The following CAMK1D variants were observed in gnomAD, a reference collection of about 807,000 sequenced individuals.
The protein encoded by CAMK1D is calcium/calmodulin dependent protein kinase ID.
Under a neutral mutation model 47.7 loss-of-function variants are expected in CAMK1D, and 9 were observed. That is an observed-to-expected ratio of 0.19 (90% CI 0.11 to 0.33). CAMK1D has a LOEUF of 0.33. CAMK1D is among the 10% of genes least tolerant of loss of function. The probability of loss-of-function intolerance (pLI) is 1.00; values close to 1 mark genes in which losing one functional copy is unlikely to be tolerated. For synonymous variants in CAMK1D, 184 were observed against 184.9 expected, an observed-to-expected ratio of 0.99 and a Z score of 0.04; for missense variants, 291 against 488.7, an observed-to-expected ratio of 0.60 and a Z score of 3.81.
intron 5 of CAMK1D, among the ~76,000 whole-genome samples, chr10:12,790,556 A>T (rs907751457): frequency 3.3e-5 from 5 of 151,592 alleles, no homozygotes; most frequent in African/African-American, 1.2e-4. Flanking sequence ...GCCATGTATT[A>T]TGTGTTTGTT....
chr10:12,482,880 A>C (rs961066652), intron 1 of CAMK1D, among the ~76,000 whole-genome samples: 4 of 152,242 alleles, frequency 2.6e-5, no homozygotes, highest in Admixed American at 2.0e-4. Flanking sequence ...AGAGACCTCC[A>C]TAAATAACAT....
intron 5 of CAMK1D, among the ~76,000 whole-genome samples, chr10:12,777,999 C>T (rs902711696): frequency 5.9e-5 from 9 of 152,202 alleles, no homozygotes; most frequent in Admixed American, 3.3e-4. Flanking sequence ...AGGGGCAGGA[C>T]GCTGCTGTCT....
chr10:12,785,593 G>A (rs1207768304), intron 5 of CAMK1D, among the ~76,000 whole-genome samples: 2 of 152,172 alleles, frequency 1.3e-5, no homozygotes, highest in African/African-American at 4.8e-5. Flanking sequence ...CCGAGGCCCC[G>A]GAGGGACTGT....
intron 1 of CAMK1D, among the ~76,000 whole-genome samples, chr10:12,471,507 A>G (rs1833745858): frequency 6.6e-6 from 1 of 152,186 alleles, no homozygotes; most frequent in Non-Finnish European, 1.5e-5. Context: ...TCAGCAGCCT[A>G]AAACCTGAGG....
chr10:12,792,479 G>A (rs2131002723), intron 6 of CAMK1D, among the ~76,000 whole-genome samples: 1 of 152,308 alleles, frequency 6.6e-6, no homozygotes, highest in South Asian at 2.1e-4. Context: ...TTTCCTTGCA[G>A]AAAGAGCCCC....
chr10:12,383,553 G>A (rs1311893820), intron 1 of CAMK1D, among the ~76,000 whole-genome samples: 1 of 152,132 alleles, frequency 6.6e-6, no homozygotes. Flanking sequence ...TTGAACTTCA[G>A]AATTACTCGA....
At chr10:12,388,702 T>C (rs538574003) in intron 1 of CAMK1D, among the ~76,000 whole-genome samples, 2 of 152,338 alleles carry the variant, frequency 1.3e-5, no homozygotes, top group South Asian at 2.1e-4. Context: ...GGGAGACTTC[T>C]GCGGGGCTCA....
intron 3 of CAMK1D, among the ~76,000 whole-genome samples, chr10:12,736,616 G>A (rs545840296): frequency 4.6e-5 from 7 of 152,270 alleles, no homozygotes; most frequent in African/African-American, 1.7e-4. Context: ...AAGAAATCTA[G>A]TTCATATGCT....
intron 2 of CAMK1D, among the ~76,000 whole-genome samples, chr10:12,602,622 C>A (rs1398592478): frequency 6.6e-6 from 1 of 152,180 alleles, no homozygotes; most frequent in East Asian, 1.9e-4. Flanking sequence ...CTGTGAATTC[C>A]TGGCACACCA....
chr10:12,779,005 G>C (rs1196317288), intron 5 of CAMK1D, among the ~76,000 whole-genome samples: 1 of 152,182 alleles, frequency 6.6e-6, no homozygotes, highest in African/African-American at 2.4e-5. Context: ...GAGCAGGCAG[G>C]GGGAGCAGAG....
intron 3 of CAMK1D, among the ~76,000 whole-genome samples, chr10:12,698,673 A>ATTTTTTTTTTTTTTTTTTTTTTTT (rs573723767): frequency 9.6e-6 from 1 of 103,902 alleles, no homozygotes; most frequent in African/African-American, 3.5e-5. Flanking sequence ...CCTTTAAAGA[A>ATTTTTTTTTTTTTTTTTTTTTTTT]TTTTTTTTTT....
chr10:12,542,516 G>A (rs1722898615), intron 1 of CAMK1D, among the ~76,000 whole-genome samples: 1 of 152,122 alleles, frequency 6.6e-6, no homozygotes, highest in Non-Finnish European at 1.5e-5. Context: ...CCGAGTGGTT[G>A]GTTTAGTGAA....
intron 1 of CAMK1D, among the ~76,000 whole-genome samples, chr10:12,355,475 TGC>T (rs1057349411): frequency 1.3e-5 from 2 of 151,348 alleles, no homozygotes; most frequent in Non-Finnish European, 2.9e-5. Context: ...TGTGTGTGTG[TGC>T]GCGCGCGTGC....
intron 2 of CAMK1D, among the ~76,000 whole-genome samples, chr10:12,592,722 T>C (rs2132366145): frequency 6.6e-6 from 1 of 152,324 alleles, no homozygotes; most frequent in East Asian, 1.9e-4. Context: ...CCGTAGTAAT[T>C]GTTCAATGCC....
intron 2 of CAMK1D, among the ~76,000 whole-genome samples, chr10:12,595,335 TC>T (rs1390188466): frequency 1.3e-4 from 2 of 15,912 alleles, no homozygotes; most frequent in Non-Finnish European, 2.2e-4. Flanking sequence ...AGAGTGAAAC[TC>T]CATCTGAAAA....
At chr10:12,525,145 A>G (rs1415515833) in intron 1 of CAMK1D, among the ~76,000 whole-genome samples, 2 of 152,156 alleles carry the variant, frequency 1.3e-5, no homozygotes, top group Non-Finnish European at 2.9e-5. Context: ...TTCTCCGGCT[A>G]GTCTCAAGAT....
chr10:12,470,139 T>C (rs1427473806), intron 1 of CAMK1D, among the ~76,000 whole-genome samples: 1 of 152,264 alleles, frequency 6.6e-6, no homozygotes, highest in Non-Finnish European at 1.5e-5. Context: ...TAGCTAGCCT[T>C]GAGGTCTGCA....
chr10:12,404,753 G>A (rs1222283417), intron 1 of CAMK1D, among the ~76,000 whole-genome samples: 1 of 151,192 alleles, frequency 6.6e-6, no homozygotes, highest in Non-Finnish European at 1.5e-5. Flanking sequence ...GGAGTGCAGT[G>A]GCATGATCTC....
chr10:12,523,270 C>A (rs537740822), intron 1 of CAMK1D, among the ~76,000 whole-genome samples: 1 of 149,984 alleles, frequency 6.7e-6, no homozygotes, highest in South Asian at 2.1e-4. Context: ...ACTGGGTGGC[C>A]GGGCAGAGGG....
Sources: allele counts gnomAD v4.1 joint callset (sites outside exome capture counted in the v4.1 genomes callset), GRCh38; gene constraint gnomAD v4.1.1; transcripts MANE v1.5; gene names NCBI Gene and HGNC (gene_info 2026-07-23, HGNC 2026-07-21).